Variants in STAC observed in about 807,000 individuals in gnomAD.
STAC encodes the protein SH3 and cysteine-rich domain-containing protein.
STAC carries 43 observed loss-of-function variants against 48.8 expected under a neutral mutation model. The observed-to-expected ratio is 0.88, with a 90% CI of 0.69 to 1.14. The LOEUF is 1.14. Among genes scored for constraint, STAC ranks in the 50% most tolerant of loss-of-function variants. The pLI, the probability that STAC is intolerant of heterozygous loss-of-function variation, is 0.00. For synonymous variants in STAC, 193 were observed against 179.5 expected (o/e 1.07, Z -0.60); for missense variants, 497 against 504.0 (o/e 0.99, Z 0.13).
At chr3:36,478,295 T>C (rs569782428) in intron 2 of STAC, among the ~76,000 whole-genome samples, 93 of 152,358 alleles carry the variant, frequency 6.1e-4, no homozygotes, top group Non-Finnish European at 1.0e-3. Context: ...TTATGCCCTA[T>C]TGTGACTATT....
At position 36,470,108 on chromosome 3, in the gene STAC, G is replaced by C. The variant is rs113516163; in HGVS notation, c.389-12884G>C. Among the ~76,000 whole-genome samples the C allele has an allele frequency of 4.8e-3, 732 of 152,274 alleles. 4 individuals are homozygous for C. Among genetic ancestry groups the C allele is most frequent in the Middle Eastern group, 0.027 (8 of 294 alleles). On this transcript the variant is annotated intron_variant, in intron 2 of 10. Coordinates refer to ENST00000273183, the MANE Select transcript of STAC (RefSeq NM_003149.3). Reference sequence around the variant, plus strand: ...CTTGGTTTAGATTCATTACCAGTGAGCTGGTATGATCTTTTGGAGGTGTTA... The same window carrying C: ...CTTGGTTTAGATTCATTACCAGTGACCTGGTATGATCTTTTGGAGGTGTTA...
At chr3:36,454,378 C>T (rs1696789940) in intron 2 of STAC, among the ~76,000 whole-genome samples, 1 of 152,042 alleles carries the variant, frequency 6.6e-6, no homozygotes, top group Admixed American at 6.6e-5. Context: ...CAGCTTCACT[C>T]CTGAGCCAGC....
chr3:36,467,174 C>T (rs1338323614), intron 2 of STAC, among the ~76,000 whole-genome samples: 1 of 151,990 alleles, frequency 6.6e-6, no homozygotes, highest in Non-Finnish European at 1.5e-5. Context: ...TAAACCATCC[C>T]TGCATCCCTG....
intron 5 of STAC, among the ~76,000 whole-genome samples, chr3:36,488,771 TAAAG>T (rs1697884893): frequency 6.6e-6 from 1 of 152,214 alleles, no homozygotes; most frequent in African/African-American, 2.4e-5. Flanking sequence ...TAGATTATTA[TAAAG>T]AAATAACCGT....
intron 1 of STAC, among the ~76,000 whole-genome samples, chr3:36,402,328 A>C (rs1378908418): frequency 2.0e-5 from 3 of 152,100 alleles, no homozygotes. Flanking sequence ...AGGGAAGGGA[A>C]GAGCGAGGAA....
intron 10 of STAC, among the ~76,000 whole-genome samples, chr3:36,542,567 AC>A (rs1193104266): frequency 3.3e-5 from 5 of 151,666 alleles, no homozygotes; most frequent in Admixed American, 3.3e-4. Context: ...TCCTTCCTAC[AC>A]CTTTTTCTCT....
At chr3:36,530,593 C>CTTTTTTTTTTTTTTTT (rs577222686) in intron 10 of STAC, among the ~76,000 whole-genome samples, 19 of 72,024 alleles carry the variant, frequency 2.6e-4, no homozygotes, top group Non-Finnish European at 3.1e-4. Flanking sequence ...TTTTTTTTTT[C>CTTTTTTTTTTTTTTTT]TTTTTTTTTT....
intron 1 of STAC, among the ~76,000 whole-genome samples, chr3:36,423,910 G>A (rs543269792): frequency 3.6e-4 from 55 of 152,084 alleles, no homozygotes; most frequent in African/African-American, 1.3e-3. Context: ...ATAATCTATT[G>A]TCCTAAAATG....
chr3:36,524,450 G>A (rs973237181), intron 8 of STAC, among the ~76,000 whole-genome samples: 2 of 152,048 alleles, frequency 1.3e-5, no homozygotes, highest in Non-Finnish European at 2.9e-5. Context: ...AAATCAGCCA[G>A]GCATGGTAGC....
intron 5 of STAC, among the ~76,000 whole-genome samples, chr3:36,487,316 G>A (rs1697839912): frequency 2.0e-5 from 3 of 152,224 alleles, no homozygotes; most frequent in Admixed American, 2.0e-4. Context: ...AGGCAAGTAG[G>A]TAGGATTATA....
intron 1 of STAC, among the ~76,000 whole-genome samples, chr3:36,381,979 C>T (rs952396254): frequency 6.6e-6 from 1 of 152,152 alleles, no homozygotes; most frequent in Non-Finnish European, 1.5e-5. Flanking sequence ...CTTCCAGAGA[C>T]ATTGTGAGGA....
At chr3:36,396,993 G>A (rs1453036684) in intron 1 of STAC, among the ~76,000 whole-genome samples, 1 of 152,124 alleles carries the variant, frequency 6.6e-6, no homozygotes, top group Non-Finnish European at 1.5e-5. Context: ...GTTTGTAGTG[G>A]AAAATAAATC....
intron 1 of STAC, among the ~76,000 whole-genome samples, chr3:36,441,570 C>G (rs1394296446): frequency 6.6e-6 from 1 of 152,094 alleles, no homozygotes; most frequent in Non-Finnish European, 1.5e-5. Flanking sequence ...GTGCAGATGT[C>G]TCCTCAGTAT....
At chr3:36,510,115 A>T (rs1285063653) in intron 8 of STAC, among the ~76,000 whole-genome samples, 2 of 152,010 alleles carry the variant, frequency 1.3e-5, no homozygotes, top group Non-Finnish European at 2.9e-5. Context: ...AATTTACAAG[A>T]AAAAAACCCC....
At chr3:36,397,202 C>T (rs1196466954) in intron 1 of STAC, among the ~76,000 whole-genome samples, 1 of 152,058 alleles carries the variant, frequency 6.6e-6, no homozygotes, top group Non-Finnish European at 1.5e-5. Flanking sequence ...GTCTTTTTGT[C>T]AGATACTGAG....
chr3:36,398,316 A>AAAGCAAGAAAGC (rs1699898070), intron 1 of STAC, among the ~76,000 whole-genome samples: 2 of 100,288 alleles, frequency 2.0e-5, no homozygotes, highest in Non-Finnish European at 4.0e-5. Flanking sequence ...AGAAAGAAAG[A>AAAGCAAGAAAGC]AAGCAAGAAA....
rs530239024 is a variant in STAC, at chr3:36,471,291, A to G, written c.389-11701A>G. Among the ~76,000 whole-genome samples, 4 of 152,306 alleles carry G rather than the reference A, an allele frequency of 2.6e-5. No individual in the cohort carries two copies. In the East Asian group the frequency reaches 7.7e-4, roughly 29 times the overall value. On this transcript the variant is annotated intron_variant, in intron 2 of 10. Coordinates refer to ENST00000273183, the MANE Select transcript of STAC (RefSeq NM_003149.3). ...GAGAAAGACCAGCCCCCATGTTTCA[A>G]TTACCTCCCACTTGGTCCCTCCCAC...
chr3:36,400,435 G>C (rs1220622026), intron 1 of STAC, among the ~76,000 whole-genome samples: 1 of 152,114 alleles, frequency 6.6e-6, no homozygotes, highest in Non-Finnish European at 1.5e-5. Context: ...AGGGTTGAGG[G>C]AACTGAGGCT....
At chr3:36,434,990 A>G (rs1700795292) in intron 1 of STAC, among the ~76,000 whole-genome samples, 1 of 152,210 alleles carries the variant, frequency 6.6e-6, no homozygotes, top group Admixed American at 6.5e-5. Context: ...ATGAAAGTCC[A>G]TTTGGCTTTA....
Sources: gnomAD v4.1 joint callset for allele counts (sites outside exome capture counted in the v4.1 genomes callset) on GRCh38, gnomAD v4.1.1 for gene constraint, MANE v1.5 for transcripts, NCBI Gene and HGNC (gene_info 2026-07-23, HGNC 2026-07-21) for gene names.